Variants in PARVB observed in about 807,000 individuals in gnomAD.
PARVB encodes the protein beta-parvin.
In PARVB, 46 loss-of-function variants were observed where a neutral mutation model predicts 47.0. That is an observed-to-expected ratio of 0.98 (90% CI 0.77 to 1.25). PARVB has a LOEUF of 1.25. PARVB is among the 50% of genes most tolerant of loss of function. The pLI is 0.00. For missense variants in PARVB, 473 were observed against 471.6 expected (o/e 1.00, Z -0.03); for synonymous variants, 196 against 196.3 (o/e 1.00, Z 0.01).
At chr22:44,005,804 G>C (rs987872862) in intron 2 of PARVB, among the ~76,000 whole-genome samples, 5 of 152,198 alleles carry the variant, frequency 3.3e-5, no homozygotes, top group South Asian at 2.1e-4. Context: ...ACAACCTAGA[G>C]GGTATTTAAA....
At chr22:44,111,471 A>G (rs932641554) in intron 3 of PARVB, 3 of 80,706 alleles carry the variant, frequency 3.7e-5, no homozygotes, top group African/African-American at 1.6e-4. Flanking sequence ...TTTTTTTGAG[A>G]CAGGGTCTTG....
intron 2 of PARVB, among the ~76,000 whole-genome samples, chr22:44,000,969 C>G (rs1327769072): frequency 6.6e-6 from 1 of 152,232 alleles, no homozygotes; most frequent in African/African-American, 2.4e-5. Flanking sequence ...TCACATTTGG[C>G]CAGGTGCGGT....
Position 44,026,575 on chromosome 22 carries a change from G to A in PARVB, c.112+2124G>A, listed in dbSNP as rs1224991732. On this transcript the variant is annotated intron_variant, in intron 1 of 12. Transcript: ENST00000338758. ...AGGGCTTGAATAATTGAGAGTCGCT[G>A]GTATTTCCGCAAGCCCATTTGCCTT... is the stretch of plus-strand genomic sequence containing the variant. Among the ~76,000 whole-genome samples, 2 of 152,196 alleles carry A rather than the reference G, an allele frequency of 1.3e-5. 1 individual carries two copies. The highest frequency in any genetic ancestry group is 2.9e-5 in the Non-Finnish European group (2 of 68,024).
rs575281492 is a variant in PARVB, at chr22:44,138,194, G to A, written c.692+1676G>A. ...GAGTGCAGTTCTTTTCCTCCAGGGC[G>A]ACCCATCCTGCTGATGAGAAAGGAT... On this transcript the variant is annotated intron_variant, in intron 7 of 12. Transcript: ENST00000338758. Among the ~76,000 whole-genome samples the A allele has an allele frequency of 7.9e-5, 12 of 152,276 alleles. No individual in the cohort carries two copies. In the East Asian group the frequency reaches 1.4e-3, roughly 17 times the overall value.
chr22:44,019,643 A>G (rs5764466), upstream of PARVB, among the ~76,000 whole-genome samples: 143,117 of 152,314 alleles, frequency 0.94, 67,365 homozygotes, highest in East Asian at 1. Flanking sequence ...AAAAGGAGCA[A>G]TGGAGCCACA....
intron 12 of PARVB, among the ~76,000 whole-genome samples, chr22:44,164,150 C>A (rs1419170643): frequency 6.6e-6 from 1 of 152,182 alleles, no homozygotes; most frequent in Non-Finnish European, 1.5e-5. Flanking sequence ...CTTTAATAAC[C>A]ACTTGACTTT....
rs963718281 is a variant in PARVB, at chr22:44,155,338, C to G, written c.844-2644C>G. On this transcript the variant is annotated intron_variant, in intron 10 of 12. Transcript: ENST00000338758. The surrounding 1 kb of genome is among the most constrained non-coding windows in gnomAD (Gnocchi z 4.8). ...TCTGGGCCTCCGTGGGGATTCTGCT[C>G]CCTGCTGAGCTAGACAGCAGGTTGT... Among the ~76,000 whole-genome samples, 2 of 152,074 alleles carry G rather than the reference C, an allele frequency of 1.3e-5. No homozygotes were observed. The highest frequency in any genetic ancestry group is 4.8e-5 in the African/African-American group (2 of 41,380).
At position 44,089,839 on chromosome 22, in the gene PARVB, C is replaced by T. The variant is rs557952140; in HGVS notation, c.113-4089C>T. ...TGGACATGCTGGCTGTGGTTTGTCT[C>T]CACTGCACTCTGCAAAGAGCCCCGA... On this transcript the variant is annotated intron_variant, in intron 1 of 12. Coordinates refer to ENST00000338758, the MANE Select transcript of PARVB (RefSeq NM_013327.5). This position sits in a 1 kb window ranked among gnomAD's most constrained non-coding sequence, Gnocchi z 4.0. Among the ~76,000 whole-genome samples the T allele has an allele frequency of 7.2e-5, 11 of 152,316 alleles. No homozygotes were observed. In the South Asian group the frequency reaches 2.3e-3, roughly 32 times the overall value.
chr22:44,090,940 C>T (rs2052152105), intron 1 of PARVB, among the ~76,000 whole-genome samples: 1 of 152,210 alleles, frequency 6.6e-6, no homozygotes, highest in Admixed American at 6.5e-5. Context: ...CTGCTGGTTA[C>T]AACTCTCTTT....
chr22:44,100,927 C>T (rs1042747221), intron 3 of PARVB, among the ~76,000 whole-genome samples: 1 of 152,102 alleles, frequency 6.6e-6, no homozygotes, highest in Non-Finnish European at 1.5e-5. Context: ...GCTTGGGCAC[C>T]CCGGGATTCT....
intron 1 of PARVB, among the ~76,000 whole-genome samples, chr22:44,064,432 G>C (rs2051480297): frequency 1.3e-5 from 2 of 152,192 alleles, no homozygotes; most frequent in South Asian, 4.1e-4. Flanking sequence ...GTTCCCCAGA[G>C]GCTGGGGTCA....
intron 5 of PARVB, among the ~76,000 whole-genome samples, chr22:44,132,213 C>T (rs890823781): frequency 6.6e-6 from 1 of 152,164 alleles, no homozygotes; most frequent in Admixed American, 6.5e-5. Flanking sequence ...GAGCTGGGCT[C>T]TCAGTGGTAG....
At chr22:44,081,062 G>A (rs2051888472) in intron 1 of PARVB, among the ~76,000 whole-genome samples, 1 of 152,184 alleles carries the variant, frequency 6.6e-6, no homozygotes. Flanking sequence ...CTCCAAAGGT[G>A]CAGTCTCCAG....
chr22:44,069,559 G>A (rs2146975126), intron 1 of PARVB, among the ~76,000 whole-genome samples: 1 of 151,782 alleles, frequency 6.6e-6, no homozygotes, highest in Admixed American at 6.6e-5. Flanking sequence ...ATGGAGTCTT[G>A]CTCTTGTCAC....
chr22:44,149,237 T>C (rs938531901), intron 9 of PARVB: 1 of 152,122 alleles, frequency 6.6e-6, no homozygotes, highest in African/African-American at 2.4e-5. Flanking sequence ...TGGCCTGAGA[T>C]TGCTTTCATC....
At chr22:44,001,003 C>T (rs2050407790) in intron 2 of PARVB, among the ~76,000 whole-genome samples, 1 of 152,254 alleles carries the variant, frequency 6.6e-6, no homozygotes, top group South Asian at 2.1e-4. Context: ...AATCCCAGCA[C>T]TTTGGGAGGC....
intron 1 of PARVB, chr22:44,081,594 T>C: frequency 1.0e-6 from 1 of 985,406 alleles, no homozygotes; most frequent in Non-Finnish European, 1.2e-6. Context: ...ACTTAGCTTC[T>C]GCACGGCCGT....
At chr22:44,066,438 TATCTTAACAAGGGGTGCCTCC>T (rs938424156) in intron 1 of PARVB, among the ~76,000 whole-genome samples, 46 of 152,358 alleles carry the variant, frequency 3.0e-4, no homozygotes, top group Admixed American at 5.2e-4. Context: ...CAGTCTTAAT[TATCTTAACAAGGGGTGCCTCC>T]CCACCCATCA....
intron 2 of PARVB, chr22:43,999,733 C>A: frequency 2.5e-6 from 3 of 1,198,642 alleles, no homozygotes; most frequent in Admixed American, 1.8e-5. Context: ...GTGGCTCATG[C>A]CTGTAACCCT....
Sources: gnomAD v4.1 joint callset for allele counts (sites outside exome capture counted in the v4.1 genomes callset) on GRCh38, gnomAD v4.1.1 for gene constraint, Gnocchi (gnomAD v3.1) non-coding constraint, MANE v1.5 for transcripts, NCBI Gene and HGNC (gene_info 2026-07-23, HGNC 2026-07-21) for gene names.